Variants in ATOSA observed in about 807,000 individuals in gnomAD.
ATOSA encodes atos homolog A.
the ATOSA span, among the ~76,000 whole-genome samples, chr15:52,640,330 TC>T: frequency 6.6e-6 from 1 of 151,846 alleles, no homozygotes; most frequent in Non-Finnish European, 1.5e-5. Flanking sequence ...ACACCTGTAA[TC>T]CCAGCACTTT....
the ATOSA span, among the ~76,000 whole-genome samples, chr15:52,704,849 A>G: frequency 6.6e-6 from 1 of 152,164 alleles, no homozygotes; most frequent in African/African-American, 2.4e-5. Context: ...AAAAGTCAGG[A>G]AACAACAGAC....
chr15:52,674,269 C>T, the ATOSA span, among the ~76,000 whole-genome samples: 1 of 150,330 alleles, frequency 6.7e-6, no homozygotes, highest in Non-Finnish European at 1.5e-5. Context: ...AGGGTGGTCT[C>T]GAACTTCTAA....
the ATOSA span, among the ~76,000 whole-genome samples, chr15:52,690,311 T>C: frequency 1.3e-5 from 2 of 152,354 alleles, no homozygotes; most frequent in East Asian, 3.9e-4. Context: ...TAGATTGTGC[T>C]ATGGTCTAGC....
the ATOSA span, among the ~76,000 whole-genome samples, chr15:52,692,123 A>G: frequency 2.6e-5 from 4 of 152,200 alleles, no homozygotes; most frequent in African/African-American, 9.6e-5. Flanking sequence ...ATAAACAGAG[A>G]AACAAAAATT....
At chr15:52,616,333 AAAGTAACATCT>A in the ATOSA span, among the ~76,000 whole-genome samples, 22 of 152,326 alleles carry the variant, frequency 1.4e-4, no homozygotes, top group Admixed American at 4.6e-4. Flanking sequence ...CTGTTAAATG[AAAGTAACATCT>A]ACCCAGTTGT....
At chr15:52,645,208 G>A in the ATOSA span, among the ~76,000 whole-genome samples, 1 of 152,224 alleles carries the variant, frequency 6.6e-6, no homozygotes, top group Non-Finnish European at 1.5e-5. Context: ...GGAGGCCGAG[G>A]CAGGCACATC....
At chr15:52,606,399 C>T in the ATOSA span, among the ~76,000 whole-genome samples, 1 of 152,132 alleles carries the variant, frequency 6.6e-6, no homozygotes, top group African/African-American at 2.4e-5. Context: ...TGGGTCTTGG[C>T]TCTACCATTT....
the ATOSA span, among the ~76,000 whole-genome samples, chr15:52,645,948 T>C: frequency 6.6e-6 from 1 of 152,230 alleles, no homozygotes; most frequent in Admixed American, 6.5e-5. Context: ...AACAATCCAC[T>C]ATCCCAGTGC....
the ATOSA span, among the ~76,000 whole-genome samples, chr15:52,590,246 A>G: frequency 6.6e-6 from 1 of 152,210 alleles, no homozygotes; most frequent in African/African-American, 2.4e-5. Flanking sequence ...AAAGAAAGGA[A>G]ATCATACGTG....
At chr15:52,601,187 G>C in the ATOSA span, 2 of 1,453,560 alleles carry the variant, frequency 1.4e-6, no homozygotes, top group South Asian at 1.3e-5. Flanking sequence ...ACGATCATTT[G>C]TGATATTAAA....
chr15:52,661,960 A>AAAAAAAAAAAAG, the ATOSA span, among the ~76,000 whole-genome samples: 1 of 151,716 alleles, frequency 6.6e-6, no homozygotes, highest in African/African-American at 2.4e-5. Flanking sequence ...AAACAGCAAA[A>AAAAAAAAAAAAG]AAAAGGAGTA....
chr15:52,636,068 T>C, the ATOSA span, among the ~76,000 whole-genome samples: 8 of 145,066 alleles, frequency 5.5e-5, no homozygotes, highest in Non-Finnish European at 9.1e-5. Flanking sequence ...TAAATTAAAT[T>C]AAAATATTAA....
chr15:52,702,879 C>A, the ATOSA span, among the ~76,000 whole-genome samples: 32 of 151,294 alleles, frequency 2.1e-4, no homozygotes, highest in African/African-American at 6.6e-4. Flanking sequence ...TGCTCAGTTT[C>A]ACCCATAATA....
the ATOSA span, among the ~76,000 whole-genome samples, chr15:52,632,594 A>G: frequency 2.0e-5 from 3 of 152,198 alleles, no homozygotes; most frequent in Admixed American, 6.5e-5. Context: ...TTTTTGGCAC[A>G]CTTTGCTATG....
the ATOSA span, among the ~76,000 whole-genome samples, chr15:52,618,775 C>T: frequency 2.2e-4 from 33 of 152,122 alleles, no homozygotes; most frequent in Non-Finnish European, 4.0e-4. Flanking sequence ...ACCTCAAACT[C>T]CTGGCCTCAA....
the ATOSA span, among the ~76,000 whole-genome samples, chr15:52,585,582 A>ACT: frequency 1.3e-5 from 2 of 152,198 alleles, no homozygotes; most frequent in Admixed American, 6.5e-5. Context: ...TACTTCATTT[A>ACT]CTCATACATG....
the ATOSA span, among the ~76,000 whole-genome samples, chr15:52,671,280 T>G: frequency 6.6e-6 from 1 of 152,222 alleles, no homozygotes; most frequent in African/African-American, 2.4e-5. Flanking sequence ...TTCAAAAAAT[T>G]AAGTATAAAA....
chr15:52,587,157 T>C, the ATOSA span: 1 of 1,613,622 alleles, frequency 6.2e-7, no homozygotes. Flanking sequence ...ATACCACTTG[T>C]ATTGTTCCTG....
At chr15:52,644,711 A>G in the ATOSA span, among the ~76,000 whole-genome samples, 1 of 152,194 alleles carries the variant, frequency 6.6e-6, no homozygotes, top group Non-Finnish European at 1.5e-5. Context: ...TATATTATCA[A>G]TGTAATTCTC....
Sources: gnomAD v4.1 joint callset for allele counts (sites outside exome capture counted in the v4.1 genomes callset) on GRCh38, gnomAD v4.1.1 for gene constraint, MANE v1.5 for transcripts, NCBI Gene and HGNC (gene_info 2026-07-23, HGNC 2026-07-21) for gene names.